Variants in TYW1 observed in about 807,000 individuals in gnomAD.
TYW1 encodes tRNA-yW synthesizing protein 1 homolog.
TYW1 carries 46 observed loss-of-function variants against 96.2 expected under a neutral mutation model. The observed-to-expected ratio is 0.48, with a 90% CI of 0.38 to 0.61. The LOEUF (loss-of-function observed/expected upper bound fraction) is 0.61. Ranked by LOEUF, TYW1 falls within the 20% of genes least tolerant of loss-of-function variation. The probability of loss-of-function intolerance (pLI) is 0.00; values close to 1 mark genes in which losing one functional copy is unlikely to be tolerated. For missense variants in TYW1, 684 were observed against 909.6 expected (o/e 0.75, Z 3.19); for synonymous variants, 274 against 323.0 (o/e 0.85, Z 1.63).
chr7:67,167,076 T>A (rs1380710345), intron 13 of TYW1, among the ~76,000 whole-genome samples: 1 of 152,236 alleles, frequency 6.6e-6, no homozygotes, highest in Admixed American at 6.5e-5. Flanking sequence ...GCTCTATGTC[T>A]TCTCTCTCCA....
rs1796615695 is a variant in TYW1, at chr7:67,088,524, T to C, written c.1384+4985T>C. Among the ~76,000 whole-genome samples, 2 of 152,158 alleles carry C rather than the reference T, an allele frequency of 1.3e-5. 1 individual carries two copies. The highest frequency in any genetic ancestry group is 4.1e-4 in the South Asian group (2 of 4,830). On this transcript the variant is annotated intron_variant, in intron 11 of 15. Transcript: ENST00000359626. ...TATAGAATTTTAGTACTTCAGAATA[T>C]TGATTGTATTTTCTGTTCTCTTGGC...
intron 8 of TYW1, among the ~76,000 whole-genome samples, chr7:67,051,898 A>G (rs892156889): frequency 6.6e-6 from 1 of 152,058 alleles, no homozygotes; most frequent in Non-Finnish European, 1.5e-5. Flanking sequence ...CAAGTTCAGT[A>G]ATTTTTTGCT....
chr7:67,174,432 G>T lies in TYW1; in HGVS notation c.1699-8694G>T, dbSNP rs531499962. Among the ~76,000 whole-genome samples, 35 of 150,966 alleles carry T rather than the reference G, an allele frequency of 2.3e-4. 1 individual carries two copies. In the East Asian group the frequency reaches 4.1e-3, roughly 18 times the overall value. On this transcript the variant is annotated intron_variant, in intron 13 of 15. Coordinates refer to ENST00000359626, the MANE Select transcript of TYW1 (RefSeq NM_018264.4). Reference sequence around the variant, plus strand: ...ATGGAGCCTCAAAGGGCTGAAATTTGCCAAGAGCTGCCAATCTAGAAGTCT... The same window carrying T: ...ATGGAGCCTCAAAGGGCTGAAATTTTCCAAGAGCTGCCAATCTAGAAGTCT...
intron 7 of TYW1, among the ~76,000 whole-genome samples, chr7:67,033,571 C>T (rs1794735828): frequency 6.6e-6 from 1 of 152,196 alleles, no homozygotes; most frequent in Non-Finnish European, 1.5e-5. Context: ...TCCCTGTAGC[C>T]TCTCTCCTTT....
At chr7:67,139,330 G>A (rs12539014) in intron 13 of TYW1, among the ~76,000 whole-genome samples, 60,032 of 152,216 alleles carry the variant, frequency 0.39, 13,044 homozygotes, top group East Asian at 0.49. Context: ...GGGATTACAG[G>A]CATGAGCCAC....
chr7:67,145,901 C>T (rs1238281361), intron 13 of TYW1, among the ~76,000 whole-genome samples: 2 of 151,902 alleles, frequency 1.3e-5, no homozygotes, highest in East Asian at 1.9e-4. Context: ...ACTACAGGTG[C>T]GTGCCACCAT....
At chr7:67,186,110 A>G (rs1400690691) in intron 14 of TYW1, among the ~76,000 whole-genome samples, 1 of 144,450 alleles carries the variant, frequency 6.9e-6, no homozygotes, top group Non-Finnish European at 1.5e-5. Context: ...TATATGTATC[A>G]GCTTAAGCAA....
intron 10 of TYW1, among the ~76,000 whole-genome samples, chr7:67,075,718 G>A (rs766595228): frequency 9.2e-5 from 14 of 152,190 alleles, no homozygotes; most frequent in African/African-American, 1.4e-4. Context: ...GCCTAGGGCC[G>A]GAGGGAATAT....
At chr7:67,203,133 G>T (rs1476004673) in intron 15 of TYW1, among the ~76,000 whole-genome samples, 1 of 152,190 alleles carries the variant, frequency 6.6e-6, no homozygotes, top group Non-Finnish European at 1.5e-5. Context: ...TTTGTAGTCC[G>T]ATACCAACTA....
intron 14 of TYW1, among the ~76,000 whole-genome samples, chr7:67,192,931 C>T (rs529293016): frequency 1.5e-4 from 23 of 152,228 alleles, no homozygotes; most frequent in African/African-American, 4.6e-4. Flanking sequence ...TCCTCGGACA[C>T]GCGCAGTTGT....
chr7:67,153,527 T>C (rs1294199244), intron 13 of TYW1, among the ~76,000 whole-genome samples: 2 of 152,268 alleles, frequency 1.3e-5, no homozygotes, highest in Non-Finnish European at 1.5e-5. Context: ...CATAGCCATA[T>C]TGTTTTAATG....
intron 3 of TYW1, 37 bp from the exon 4 acceptor site, chr7:67,009,546 T>A: frequency 6.3e-7 from 1 of 1,594,726 alleles, no homozygotes; most frequent in Non-Finnish European, 8.5e-7. Flanking sequence ...TTTGGCTCAT[T>A]GAAGACTTTA....
chr7:67,193,992 G>A (rs35387955), intron 14 of TYW1, among the ~76,000 whole-genome samples: 43,922 of 151,628 alleles, frequency 0.29, 7,051 homozygotes, highest in African/African-American at 0.43. Flanking sequence ...TTGATTTGTG[G>A]GTATTTGAAG....
intron 3 of TYW1, 126 bp from the exon 4 acceptor site, chr7:67,009,457 A>G: frequency 1.3e-6 from 1 of 756,804 alleles, no homozygotes; most frequent in South Asian, 1.7e-5. Context: ...TGTGTTCATG[A>G]AGATACATAT....
Position 67,024,944 on chromosome 7 carries a change from T to C in TYW1, c.906T>C (p.Gly302=), listed in dbSNP as rs745923822. Residue 302 remains glycine (G), a synonymous_variant, in exon 7 of 16, where the codon GGT becomes GGC. Transcript: ENST00000359626. ...FESSSEEEFG[G]EDHQSLNSIV... is the part of the protein sequence containing the mutation. The stretch of plus-strand genomic sequence containing the variant: ...GCTCCAGTGAAGAAGAGTTTGGTGG[T>C]GAGGACCATCAGAGCCTAAATTCCA... The C allele has an allele frequency of 1.1e-5, 18 of 1,613,902 alleles. No individual in the cohort carries two copies. The South Asian group carries it at 1.9e-4, about 17-fold the overall frequency.
intron 10 of TYW1, among the ~76,000 whole-genome samples, chr7:67,071,722 G>A (rs1279342872): frequency 6.6e-6 from 1 of 151,992 alleles, no homozygotes; most frequent in Non-Finnish European, 1.5e-5. Flanking sequence ...CCAGGTTCAT[G>A]CCATTCTCCT....
intron 15 of TYW1, among the ~76,000 whole-genome samples, chr7:67,205,018 A>G (rs1485619392): frequency 1.3e-5 from 2 of 152,134 alleles, no homozygotes; most frequent in Non-Finnish European, 2.9e-5. Context: ...TTCTCATTCA[A>G]GTTGAGATTT....
intron 7 of TYW1, among the ~76,000 whole-genome samples, chr7:67,028,149 G>GA (rs1304467992): frequency 6.6e-6 from 1 of 150,770 alleles, no homozygotes; most frequent in Non-Finnish European, 1.5e-5. Flanking sequence ...TAAGGCACGA[G>GA]AATCTTTTGA....
intron 7 of TYW1, among the ~76,000 whole-genome samples, chr7:67,039,494 G>A (rs1162069118): frequency 1.3e-5 from 2 of 151,766 alleles, no homozygotes; most frequent in Non-Finnish European, 2.9e-5. Flanking sequence ...GATGGAATAT[G>A]GGTACAAGGT....
Sources: gnomAD v4.1 joint callset for allele counts (sites outside exome capture counted in the v4.1 genomes callset) on GRCh38, gnomAD v4.1.1 for gene constraint, MANE v1.5 for transcripts, NCBI Gene and HGNC (gene_info 2026-07-23, HGNC 2026-07-21) for gene names.